Variants in RCOR1 observed in about 807,000 individuals in gnomAD.
RCOR1 encodes the protein REST corepressor.
RCOR1 carries 12 observed loss-of-function variants against 64.0 expected under a neutral mutation model. The observed-to-expected ratio is 0.19, with a 90% CI of 0.12 to 0.30. The LOEUF is 0.30. RCOR1 is among the 10% of genes least tolerant of loss of function. The probability of loss-of-function intolerance (pLI) is 1.00; values close to 1 mark genes in which losing one functional copy is unlikely to be tolerated. For synonymous variants in RCOR1, 279 were observed against 227.2 expected (o/e 1.23, Z -2.05); for missense variants, 502 against 621.2 (o/e 0.81, Z 2.04).
chr14:102,718,448 C>T (rs938134971), intron 8 of RCOR1, among the ~76,000 whole-genome samples: 1 of 152,150 alleles, frequency 6.6e-6, no homozygotes, highest in Non-Finnish European at 1.5e-5. Flanking sequence ...GGGCATGTCT[C>T]TTAAATTAGC....
intron 3 of RCOR1, among the ~76,000 whole-genome samples, chr14:102,690,694 G>A (rs990410736): frequency 3.4e-4 from 52 of 152,218 alleles, no homozygotes; most frequent in Non-Finnish European, 3.4e-4. Context: ...CACTATATCA[G>A]AGAAGCCTTC....
chr14:102,629,685 T>TA (rs1353480992), intron 2 of RCOR1, among the ~76,000 whole-genome samples: 4 of 152,152 alleles, frequency 2.6e-5, no homozygotes, highest in Non-Finnish European at 4.4e-5. Context: ...GATGAGCTGA[T>TA]ACAATTCTGA....
chr14:102,683,599 ATG>A (rs1895348477), intron 3 of RCOR1, among the ~76,000 whole-genome samples: 1 of 152,180 alleles, frequency 6.6e-6, no homozygotes, highest in South Asian at 2.1e-4. Flanking sequence ...GTCCCAAGCA[ATG>A]TGGGCAACTT....
In RCOR1 at chr14:102,726,639, C is replaced by A; in HGVS notation, c.*133C>A. The A allele has an allele frequency of 1.4e-6, 1 of 729,484 alleles. No individual in the cohort carries two copies. The highest frequency in any genetic ancestry group is 2.3e-6 in the Non-Finnish European group (1 of 437,134). 45.2% of individuals were successfully genotyped at this position (729,484 alleles called of 1,614,324 possible). On this transcript the variant is annotated 3_prime_UTR_variant, in exon 12 of 12. Coordinates refer to ENST00000262241, the MANE Select transcript of RCOR1 (RefSeq NM_015156.4). ...CTATTACCAAAAAAGGCATATACTTCCAGTCCTGTGCTCCATCTGCCTTAA... is the reference window on the plus strand; with the variant it reads ...CTATTACCAAAAAAGGCATATACTTACAGTCCTGTGCTCCATCTGCCTTAA...
At chr14:102,666,588 T>A (rs1302027709) in intron 2 of RCOR1, among the ~76,000 whole-genome samples, 1 of 152,206 alleles carries the variant, frequency 6.6e-6, no homozygotes, top group Non-Finnish European at 1.5e-5. Context: ...CCTTGTTGCT[T>A]TAGGTTCCTC....
At chr14:102,663,241 G>A (rs911319473) in intron 2 of RCOR1, among the ~76,000 whole-genome samples, 1 of 152,178 alleles carries the variant, frequency 6.6e-6, no homozygotes, top group African/African-American at 2.4e-5. Context: ...CCAGCTGCAT[G>A]GAACTGTTAA....
chr14:102,668,831 G>A (rs1894971935), intron 2 of RCOR1, among the ~76,000 whole-genome samples: 1 of 152,026 alleles, frequency 6.6e-6, no homozygotes, highest in African/African-American at 2.4e-5. Flanking sequence ...AATCTTTGAG[G>A]CGAAAAATTT....
intron 2 of RCOR1, chr14:102,629,969 A>T (rs1451672777): frequency 1.0e-6 from 1 of 973,362 alleles, no homozygotes; most frequent in African/African-American, 1.8e-5. Context: ...GACCTCCTAG[A>T]TAAAGAGATG....
chr14:102,681,998 A>T lies in RCOR1; in HGVS notation c.445+20A>T. On this transcript the variant is annotated intron_variant, in intron 3 of 11. Coordinates refer to ENST00000262241, the MANE Select transcript of RCOR1 (RefSeq NM_015156.4). ...CAAAGTGTAAGTCTTGGAGCACTTT[A>T]TTTTCCACCTTTCTTGTTTAATGTA... The T allele has an allele frequency of 6.4e-7, 1 of 1,560,848 alleles. No individual in the cohort carries two copies. Among genetic ancestry groups the T allele is most frequent in the Non-Finnish European group, 8.8e-7 (1 of 1,132,078 alleles).
chr14:102,663,947 T>C (rs1266233647), intron 2 of RCOR1, among the ~76,000 whole-genome samples: 1 of 152,048 alleles, frequency 6.6e-6, no homozygotes, highest in African/African-American at 2.4e-5. Context: ...AGGTAAGATG[T>C]TATTAGTTAG....
At chr14:102,645,856 G>A (rs1216971854) in intron 2 of RCOR1, among the ~76,000 whole-genome samples, 1 of 152,194 alleles carries the variant, frequency 6.6e-6, no homozygotes, top group Non-Finnish European at 1.5e-5. Context: ...GTGCACAGCT[G>A]GAGAGGGCCG....
chr14:102,689,470 A>G (rs141449597), intron 3 of RCOR1, among the ~76,000 whole-genome samples: 1 of 152,182 alleles, frequency 6.6e-6, no homozygotes, highest in Admixed American at 6.5e-5. Context: ...TCCCAGAAGG[A>G]GCAAATTTCT....
Position 102,593,259 on chromosome 14 carries a change from C to T in RCOR1, c.302-7C>T, listed in dbSNP as rs746355002. On this transcript the variant is annotated splice_region_variant and splice_polypyrimidine_tract_variant and intron_variant, in intron 1 of 11. Coordinates refer to ENST00000262241, the MANE Select transcript of RCOR1 (RefSeq NM_015156.4). Reference sequence around the variant, plus strand: ...GCGCTGACCGCCGTATTCTGCTTCCCCCGCAGGTGGCGGTGGCATGAGGGT... The same window carrying T: ...GCGCTGACCGCCGTATTCTGCTTCCTCCGCAGGTGGCGGTGGCATGAGGGT... 3.3e-6 allele frequency: 5 copies of T among 1,523,554 alleles called. No homozygotes were observed. The East Asian group carries it at 1.1e-4, about 34-fold the overall frequency. The allele number at this position is 1,523,554 out of a possible 1,614,324, so 94.4% of individuals were successfully genotyped here.
chr14:102,658,998 C>A, intron 2 of RCOR1: 1 of 495,756 alleles, frequency 2.0e-6, no homozygotes, highest in Non-Finnish European at 2.6e-6. Flanking sequence ...GTTAGTAAGT[C>A]CAACCTACAC....
At chr14:102,719,452 A>G (rs1298477497) in intron 8 of RCOR1, among the ~76,000 whole-genome samples, 1 of 151,776 alleles carries the variant, frequency 6.6e-6, no homozygotes, top group African/African-American at 2.4e-5. Flanking sequence ...TCCTGTGTCC[A>G]AGTGTTCTCA....
At chr14:102,631,429 T>C (rs1894108923) in intron 2 of RCOR1, among the ~76,000 whole-genome samples, 1 of 151,910 alleles carries the variant, frequency 6.6e-6, no homozygotes, top group Non-Finnish European at 1.5e-5. Context: ...GGTCTCGATC[T>C]CCTGACCTCA....
At chr14:102,675,461 G>A (rs1296617787) in intron 2 of RCOR1, among the ~76,000 whole-genome samples, 1 of 152,104 alleles carries the variant, frequency 6.6e-6, no homozygotes, top group African/African-American at 2.4e-5. Flanking sequence ...CCAATACTTT[G>A]GGGCTGTTAG....
intron 2 of RCOR1, among the ~76,000 whole-genome samples, chr14:102,675,962 G>C (rs191390807): frequency 6.6e-6 from 1 of 151,574 alleles, no homozygotes; most frequent in African/African-American, 2.4e-5. Flanking sequence ...GCTGTGTACT[G>C]TTCCAGTATA....
At chr14:102,637,656 C>G (rs1230679520) in intron 2 of RCOR1, among the ~76,000 whole-genome samples, 1 of 151,664 alleles carries the variant, frequency 6.6e-6, no homozygotes, top group Non-Finnish European at 1.5e-5. Context: ...TGCCATGTTG[C>G]CCAGGTAGTC....
Sources: allele counts gnomAD v4.1 joint callset (sites outside exome capture counted in the v4.1 genomes callset), GRCh38; gene constraint gnomAD v4.1.1; transcripts MANE v1.5; gene names NCBI Gene and HGNC (gene_info 2026-07-23, HGNC 2026-07-21).